The following DZIP3 variants were observed in gnomAD, a reference collection of about 807,000 sequenced individuals.
The protein encoded by DZIP3 is DAZ interacting zinc finger protein 3, also known as E3 ubiquitin-protein ligase DZIP3.
A neutral mutation model predicts 162.0 loss-of-function variants in DZIP3; 118 were observed. The ratio of observed to expected loss-of-function variants is 0.73; its 90% CI spans 0.63 to 0.85. The LOEUF is 0.85. Ranked by LOEUF, DZIP3 falls within the 40% of genes least tolerant of loss-of-function variation. The pLI, the probability that DZIP3 is intolerant of heterozygous loss-of-function variation, is 0.00. For missense variants in DZIP3, 1,331 were observed against 1,407.0 expected (o/e 0.95, Z 0.86); for synonymous variants, 438 against 458.6 (o/e 0.96, Z 0.57).
chr3:108,675,228 G>A (rs141683120), intron 24 of DZIP3, among the ~76,000 whole-genome samples: 86 of 152,058 alleles, frequency 5.7e-4, no homozygotes, highest in African/African-American at 2.0e-3. Flanking sequence ...GTAGGCATGA[G>A]TTGATAAAAC....
intron 6 of DZIP3, 45 bp downstream of exon 6, chr3:108,624,569 G>A: frequency 9.5e-7 from 1 of 1,051,826 alleles, no homozygotes; most frequent in South Asian, 1.7e-5. Context: ...TTTACATCTT[G>A]GAATAATCAG....
rs1941503340 is a variant in DZIP3 at position 108,624,434 on chromosome 3, T to G, written c.376-10T>G. ...CTAAATAACCAATTAACATATTTTT[T>G]TCTTTGTAGGCACACCAGATTAATA... On this transcript the variant is annotated splice_polypyrimidine_tract_variant and intron_variant, in intron 5 of 32. Coordinates refer to ENST00000361582, the MANE Select transcript of DZIP3 (RefSeq NM_014648.4). 6.6e-7 allele frequency: 1 copy of G among 1,524,866 alleles called. No homozygotes were observed. Among genetic ancestry groups the G allele is most frequent in the Non-Finnish European group, 9.1e-7 (1 of 1,103,952 alleles). 94.5% of individuals were successfully genotyped at this position (1,524,866 alleles called of 1,614,324 possible).
intron 19 of DZIP3, among the ~76,000 whole-genome samples, chr3:108,658,922 C>T (rs1288404841): frequency 2.0e-5 from 3 of 152,072 alleles, no homozygotes; most frequent in Middle Eastern, 3.4e-3. Context: ...ACATATACAC[C>T]CTCCCAAGAC....
Position 108,674,174 on chromosome 3 carries a change from G to A in DZIP3, c.2686G>A (p.Ala896Thr), listed in dbSNP as rs1944019057. ...TCAGCTTGCCAGGGTGACTCACATGGCAGCAAGGTAACCTTTCCCTCTTCC... is the reference window on the plus strand; with the variant it reads ...TCAGCTTGCCAGGGTGACTCACATGACAGCAAGGTAACCTTTCCCTCTTCC... ...LNQLARVTHM[A>T]ASNLESLQLK... The change falls in exon 24 of 33, where the codon GCA becomes ACA. Residue 896 changes from alanine (A) to threonine (T), a missense_variant. Transcript: ENST00000361582. The A allele has an allele frequency of 1.2e-6, 2 of 1,612,014 alleles. No individual in the cohort carries two copies. The highest frequency in any genetic ancestry group is 1.7e-6 in the Non-Finnish European group (2 of 1,178,788).
intron 10 of DZIP3, among the ~76,000 whole-genome samples, chr3:108,636,393 C>T (rs1942147971): frequency 6.6e-6 from 1 of 151,884 alleles, no homozygotes; most frequent in Non-Finnish European, 1.5e-5. Context: ...GTCTGTAATA[C>T]AGCTACTTGA....
chr3:108,666,088 A>G (rs1157510467), intron 21 of DZIP3, among the ~76,000 whole-genome samples: 1 of 152,170 alleles, frequency 6.6e-6, no homozygotes, highest in Non-Finnish European at 1.5e-5. Flanking sequence ...TTAATTTCTT[A>G]AATCATATTT....
At chr3:108,654,017 T>C in intron 18 of DZIP3, 128 bp from the exon 19 acceptor site, 1 of 954,576 alleles carries the variant, frequency 1.0e-6, no homozygotes, top group East Asian at 2.6e-5. Flanking sequence ...CAAACTTCCT[T>C]TGATCATGAA....
chr3:108,676,048 A>T (rs2107370852), intron 25 of DZIP3, among the ~76,000 whole-genome samples, 175 bp downstream of exon 25: 1 of 152,200 alleles, frequency 6.6e-6, no homozygotes, highest in Middle Eastern at 3.4e-3. Flanking sequence ...AACATCCTAG[A>T]CTCACACGTG....
intron 13 of DZIP3, among the ~76,000 whole-genome samples, chr3:108,643,433 A>C (rs1465037520): frequency 6.6e-6 from 1 of 151,994 alleles, no homozygotes; most frequent in African/African-American, 2.4e-5. Flanking sequence ...TATATTTGAA[A>C]TATCCGGCAA....
rs142926380 is a variant in DZIP3, at chr3:108,680,544, C to T, written c.2883+2946C>T. On this transcript the variant is annotated intron_variant, in intron 26 of 32. Transcript: ENST00000361582. ...AAGAAAATCCCATTTACAATAGCTA[C>T]AAAAAACAAAGATACCTGGGAATAA... Among the ~76,000 whole-genome samples the T allele has an allele frequency of 6.4e-3, 968 of 151,914 alleles. 13 individuals carry two copies. The highest frequency in any genetic ancestry group is 0.031 in the South Asian group (150 of 4,810).
At chr3:108,684,369 T>C in intron 27 of DZIP3, 28 bp downstream of exon 27, 1 of 1,595,710 alleles carries the variant, frequency 6.3e-7, no homozygotes, top group African/African-American at 1.4e-5. Flanking sequence ...GGAATAGATG[T>C]TAATTAGTTT....
Position 108,688,926 on chromosome 3 carries a change from T to C in DZIP3, c.3516+2T>C. 1 of 1,613,780 alleles carries C rather than the reference T, an allele frequency of 6.2e-7. No homozygotes were observed. The highest frequency in any genetic ancestry group is 8.5e-7 in the Non-Finnish European group (1 of 1,179,696). On this transcript the variant is annotated splice_donor_variant, in intron 31 of 32. Coordinates refer to ENST00000361582, the MANE Select transcript of DZIP3 (RefSeq NM_014648.4). LOFTEE classifies it high-confidence loss of function. Reference sequence around the variant, plus strand: ...TGCGCTCACAAATTCCATGCTCAGGTAACACTTTAAATTTTCCCATTAATC... The same window carrying C: ...TGCGCTCACAAATTCCATGCTCAGGCAACACTTTAAATTTTCCCATTAATC...
intron 5 of DZIP3, 33 bp downstream of exon 5, chr3:108,616,690 T>C (rs1226012869): frequency 6.9e-7 from 1 of 1,447,222 alleles, no homozygotes; most frequent in African/African-American, 1.4e-5. Context: ...TTTGATATAA[T>C]GGACTTGGTC....
chr3:108,607,476 C>G (rs1576350533), intron 2 of DZIP3, among the ~76,000 whole-genome samples: 1 of 152,258 alleles, frequency 6.6e-6, no homozygotes, highest in Middle Eastern at 3.4e-3. Context: ...GGTTCCTATA[C>G]AATGGTTCTG....
At position 108,647,930 on chromosome 3, in the gene DZIP3, CTT is replaced by C. The variant is rs1942701623; in HGVS notation, c.1793-10_1793-9del. ...TTCATCTAGATTTTGAGAATTTTGTCTTTTATGTTTAGGTATTGAAATAGAAG... is the reference window on the plus strand; with the variant it reads ...TTCATCTAGATTTTGAGAATTTTGTCTTATGTTTAGGTATTGAAATAGAAG... On this transcript the variant is annotated splice_polypyrimidine_tract_variant and intron_variant, in intron 15 of 32. Transcript: ENST00000361582. 1 of 1,489,036 alleles carries C rather than the reference CTT, an allele frequency of 6.7e-7. No individual in the cohort carries two copies. The highest frequency in any genetic ancestry group is 1.4e-5 in the African/African-American group (1 of 69,316). The allele number at this position is 1,489,036 out of a possible 1,614,324, so 92.2% of individuals were successfully genotyped here. A position where few individuals can be genotyped will look rare whatever the true frequency, so the allele number is the denominator to read the frequency against.
In DZIP3 at chr3:108,674,086, C is replaced by G; in HGVS notation, c.2598C>G (p.Phe866Leu). 3 of 1,611,230 alleles carry G rather than the reference C, an allele frequency of 1.9e-6. No individual in the cohort carries two copies. The highest frequency in any genetic ancestry group is 1.7e-6 in the Non-Finnish European group (2 of 1,178,378). The change falls in exon 24 of 33, where the codon TTC becomes TTG. Residue 866 changes from phenylalanine to leucine, a missense_variant. Physicochemically the swap from Phe to Leu is conservative, Grantham distance 22. Around this residue, in one of 2 missense-constraint regions of DZIP3, gnomAD observed 1,278 missense variants for 1,317.1 expected, o/e 0.97. Coordinates refer to ENST00000361582, the MANE Select transcript of DZIP3 (RefSeq NM_014648.4). ...CTCTCAAAAACCTGTAGGTGTATTTCTTACAGTGTCGTAGGGATTTTGGTT... is the reference window on the plus strand; with the variant it reads ...CTCTCAAAAACCTGTAGGTGTATTTGTTACAGTGTCGTAGGGATTTTGGTT... ...TSRALTAEVY[F>L]LQCRRDFGLL...
At chr3:108,646,676 T>A in intron 15 of DZIP3, 27 bp downstream of exon 15, 1 of 1,481,916 alleles carries the variant, frequency 6.7e-7, no homozygotes, top group Non-Finnish European at 9.1e-7. Context: ...ATAAAATGTG[T>A]AAATGACTTT....
At chr3:108,669,134 T>G (rs1943814649) in intron 21 of DZIP3, among the ~76,000 whole-genome samples, 1 of 151,976 alleles carries the variant, frequency 6.6e-6, no homozygotes, top group African/African-American at 2.4e-5. Flanking sequence ...ACCCATTCTT[T>G]CCATGATAAG....
intron 16 of DZIP3, 76 bp from the exon 17 acceptor site, chr3:108,648,842 G>C: frequency 1.4e-6 from 1 of 735,278 alleles, no homozygotes; most frequent in African/African-American, 1.9e-5. Context: ...TCAGTGGTGA[G>C]AGGAAATATA....
Sources: allele counts gnomAD v4.1 joint callset (sites outside exome capture counted in the v4.1 genomes callset), GRCh38; gene constraint gnomAD v4.1.1; regional missense constraint gnomAD v4.1.1; transcripts MANE v1.5; gene names NCBI Gene and HGNC (gene_info 2026-07-23, HGNC 2026-07-21).